Variants in DMD observed in about 807,000 individuals in gnomAD.
DMD encodes the protein dystrophin.
In DMD, 63 loss-of-function variants were observed where a neutral mutation model predicts 330.1. The ratio of observed to expected loss-of-function variants is 0.19; its 90% CI spans 0.16 to 0.24. The LOEUF (loss-of-function observed/expected upper bound fraction) is 0.24. DMD is among the 10% of genes least tolerant of loss of function. The pLI, the probability that DMD is intolerant of heterozygous loss-of-function variation, is 1.00. For missense variants in DMD, 3,344 were observed against 2,684.1 expected (o/e 1.25, Z -5.43); for synonymous variants, 1,223 against 959.8 (o/e 1.27, Z -5.07).
chrX:33,086,944 T>C (rs751083935), intron 1 of DMD, among the ~76,000 whole-genome samples: 1 of 111,055 alleles, frequency 9.0e-6, no homozygotes, highest in African/African-American at 3.3e-5. Context: ...AATGCGAAGG[T>C]AGAATGCAGC....
intron 6 of DMD, among the ~76,000 whole-genome samples, chrX:32,812,532 C>T (rs746698190): frequency 8.9e-6 from 1 of 111,949 alleles, no homozygotes; most frequent in Non-Finnish European, 1.9e-5. Context: ...ACTCAGGAGG[C>T]TGAGGCAGTA....
intron 44 of DMD, among the ~76,000 whole-genome samples, chrX:32,031,219 C>T (rs2095880288): frequency 9.0e-6 from 1 of 111,609 alleles, no homozygotes. Flanking sequence ...AGGTTATCTT[C>T]TGTCATGGTA....
chrX:32,802,773 T>A (rs1043214725), intron 7 of DMD, among the ~76,000 whole-genome samples: 2 of 112,102 alleles, frequency 1.8e-5, no homozygotes, highest in Non-Finnish European at 3.8e-5. Context: ...ATGGATTACG[T>A]TTGTTGGTTT....
intron 1 of DMD, among the ~76,000 whole-genome samples, chrX:33,060,581 G>A (rs1036613631): frequency 9.0e-5 from 10 of 111,123 alleles, no homozygotes; most frequent in African/African-American, 3.3e-4. Flanking sequence ...GCCTGTAATC[G>A]CTGCACTTTA....
intron 44 of DMD, among the ~76,000 whole-genome samples, chrX:32,096,827 T>C (rs1218943563): frequency 9.0e-6 from 1 of 111,719 alleles, no homozygotes; most frequent in Non-Finnish European, 1.9e-5. Context: ...TCGGAGACTT[T>C]AGCATGAGTC....
At chrX:32,466,127 A>G (rs1165413423) in intron 23 of DMD, among the ~76,000 whole-genome samples, 1 of 111,170 alleles carries the variant, frequency 9.0e-6, no homozygotes, top group African/African-American at 3.3e-5. Flanking sequence ...CTAGATTAAA[A>G]CTCAGATTGT....
intron 1 of DMD, among the ~76,000 whole-genome samples, chrX:33,329,643 A>G (rs927491258): frequency 3.1e-4 from 35 of 111,912 alleles, no homozygotes; most frequent in African/African-American, 1.1e-3. Flanking sequence ...GTTGAGATTT[A>G]GGAGCCAGAA....
At chrX:31,584,948 T>C (rs183954540) in intron 55 of DMD, among the ~76,000 whole-genome samples, 25 of 110,859 alleles carry the variant, frequency 2.3e-4, no homozygotes, top group African/African-American at 6.2e-4. Context: ...TTCCATATCC[T>C]ATAGTCACAC....
intron 7 of DMD, among the ~76,000 whole-genome samples, chrX:32,755,303 G>C (rs1056607518): frequency 7.3e-4 from 69 of 94,569 alleles, no homozygotes; most frequent in African/African-American, 3.0e-3. Flanking sequence ...TAAAAATATT[G>C]TCTTCAGACA....
chrX:32,039,703 G>C (rs1186217142), intron 44 of DMD, among the ~76,000 whole-genome samples: 1 of 111,913 alleles, frequency 8.9e-6, no homozygotes, highest in African/African-American at 3.2e-5. Context: ...CTATTACTTA[G>C]AGTGAGGGTC....
chrX:31,688,885 T>C (rs1403286105), intron 52 of DMD, among the ~76,000 whole-genome samples: 1 of 111,727 alleles, frequency 9.0e-6, no homozygotes, highest in African/African-American at 3.3e-5. Context: ...GTTATCTCAA[T>C]AGATGCAGAA....
At chrX:32,185,287 CAG>C (rs2096941783) in intron 44 of DMD, among the ~76,000 whole-genome samples, 1 of 109,935 alleles carries the variant, frequency 9.1e-6, no homozygotes, top group Non-Finnish European at 1.9e-5. Flanking sequence ...GGGAGCCAAA[CAG>C]TGATTTAGAA....
At chrX:32,841,515 T>G (rs1313702585) in intron 4 of DMD, among the ~76,000 whole-genome samples, 2 of 111,839 alleles carry the variant, frequency 1.8e-5, no homozygotes, top group Admixed American at 1.9e-4. Flanking sequence ...GAGAGAACAA[T>G]GCAAGAGAAT....
chrX:32,967,131 T>G (rs2092191181), intron 2 of DMD, among the ~76,000 whole-genome samples: 2 of 111,903 alleles, frequency 1.8e-5, no homozygotes, highest in African/African-American at 6.5e-5. Context: ...ATCCGTTTCC[T>G]GAACCAGGAA....
chrX:32,707,007 G>T (rs757236992), intron 7 of DMD, among the ~76,000 whole-genome samples: 1 of 110,428 alleles, frequency 9.1e-6, no homozygotes, highest in South Asian at 4.0e-4. Context: ...CAGGAGAATT[G>T]CTTGAACCCG....
intron 44 of DMD, among the ~76,000 whole-genome samples, chrX:32,123,312 C>A (rs920405871): frequency 2.0e-5 from 2 of 98,240 alleles, no homozygotes; most frequent in African/African-American, 7.5e-5. Context: ...TCCCGTGGTT[C>A]TTTAACTTGA....
At chrX:31,697,599 G>A (rs1420244702) in intron 52 of DMD, among the ~76,000 whole-genome samples, 1 of 111,908 alleles carries the variant, frequency 8.9e-6, no homozygotes, top group Non-Finnish European at 1.9e-5. Context: ...GATTGAATAC[G>A]AACCAATCTT....
intron 1 of DMD, among the ~76,000 whole-genome samples, chrX:33,268,028 C>T (rs1047516616): frequency 1.3e-4 from 13 of 103,392 alleles, no homozygotes; most frequent in South Asian, 4.4e-4. Flanking sequence ...CTCACTCTGT[C>T]GCCCAGGCTG....
At chrX:32,927,159 T>C (rs180818336) in intron 2 of DMD, among the ~76,000 whole-genome samples, 2 of 111,411 alleles carry the variant, frequency 1.8e-5, no homozygotes, top group African/African-American at 6.5e-5. Flanking sequence ...GGCAGAAAAG[T>C]TTCCATCTTA....
Sources: gnomAD v4.1 joint callset for allele counts (sites outside exome capture counted in the v4.1 genomes callset) on GRCh38, gnomAD v4.1.1 for gene constraint, MANE v1.5 for transcripts, NCBI Gene and HGNC (gene_info 2026-07-23, HGNC 2026-07-21) for gene names.